CHCHD6: variants seen among roughly 807,000 people sequenced by gnomAD.
CHCHD6 encodes coiled-coil-helix-coiled-coil-helix domain containing 6, also known as MICOS complex subunit MIC25.
A neutral mutation model predicts 32.3 loss-of-function variants in CHCHD6; 28 were observed. The observed-to-expected ratio is 0.87, with a 90% CI of 0.64 to 1.19. The LOEUF (loss-of-function observed/expected upper bound fraction) is 1.19. CHCHD6 is among the 50% of genes most tolerant of loss of function. The pLI, the probability that CHCHD6 is intolerant of heterozygous loss-of-function variation, is 0.00. For missense variants in CHCHD6, 333 were observed against 307.0 expected (o/e 1.08, Z -0.63); for synonymous variants, 122 against 117.5 (o/e 1.04, Z -0.25).
chr3:126,790,799 G>A (rs1275129562), intron 4 of CHCHD6, among the ~76,000 whole-genome samples: 1 of 152,106 alleles, frequency 6.6e-6, no homozygotes, highest in African/African-American at 2.4e-5. Context: ...AAGTTTGATT[G>A]TCTGAAGCCT....
intron 5 of CHCHD6, among the ~76,000 whole-genome samples, chr3:126,863,341 ACCTCCTCCTCCTCTACCATCACCACCT>A (rs1443730059): frequency 0.012 from 1,224 of 98,752 alleles, 56 homozygotes; most frequent in African/African-American, 0.019. Flanking sequence ...CTCCTCCATC[ACCTCCTCCTCCTCTACCATCACCACCT>A]CCTCCTCCTC....
At chr3:126,909,465 A>G (rs1443728539) in intron 5 of CHCHD6, among the ~76,000 whole-genome samples, 2 of 152,202 alleles carry the variant, frequency 1.3e-5, no homozygotes, top group Admixed American at 6.5e-5. Flanking sequence ...TTGATCTCAC[A>G]GATCCAGGCC....
At chr3:126,727,366 A>C (rs1363055466) in intron 2 of CHCHD6, among the ~76,000 whole-genome samples, 180 bp downstream of exon 2, 1 of 152,216 alleles carries the variant, frequency 6.6e-6, no homozygotes, top group African/African-American at 2.4e-5. Context: ...TGGGGCTGTC[A>C]TCAGAGCTGC....
intron 4 of CHCHD6, among the ~76,000 whole-genome samples, chr3:126,846,007 T>G (rs1028421485): frequency 6.6e-6 from 1 of 152,174 alleles, no homozygotes; most frequent in Non-Finnish European, 1.5e-5. Context: ...TTGTGCCATT[T>G]TAATTTATCA....
chr3:126,920,372 C>A (rs1466873538), intron 6 of CHCHD6, among the ~76,000 whole-genome samples: 2 of 150,936 alleles, frequency 1.3e-5, no homozygotes, highest in Non-Finnish European at 1.5e-5. Flanking sequence ...TCTGATAATT[C>A]TTGATTGAGT....
At position 126,845,700 on chromosome 3, in the gene CHCHD6, G is replaced by T. The variant is rs1053182930; in HGVS notation, c.412-6947G>T. On this transcript the variant is annotated intron_variant, in intron 4 of 7. Transcript: ENST00000290913. ...ATAATTTATAATGCCTTGTTTTCAA[G>T]TTCACTGATTTTTGCTCCGTCCAAT... Among the ~76,000 whole-genome samples, 3 of 151,988 alleles carry T rather than the reference G, an allele frequency of 2.0e-5. No homozygotes were observed. In the South Asian group the frequency reaches 6.2e-4, roughly 31 times the overall value.
intron 6 of CHCHD6, among the ~76,000 whole-genome samples, chr3:126,925,895 G>C (rs1212770454): frequency 2.0e-5 from 3 of 152,180 alleles, no homozygotes; most frequent in African/African-American, 7.2e-5. Flanking sequence ...TGGTGATCTA[G>C]AACTTAACCT....
chr3:126,914,651 G>A (rs1252295555), intron 5 of CHCHD6, 29 bp from the exon 6 acceptor site: 2 of 1,315,798 alleles, frequency 1.5e-6, no homozygotes, highest in Non-Finnish European at 2.2e-6. Flanking sequence ...TTCAGTCTTT[G>A]GTAACCAATT....
chr3:126,746,988 C>T (rs967122288), intron 4 of CHCHD6, among the ~76,000 whole-genome samples: 5 of 152,132 alleles, frequency 3.3e-5, no homozygotes, highest in Admixed American at 6.5e-5. Flanking sequence ...TGAGGTGGCC[C>T]GGGAGTACTG....
intron 7 of CHCHD6, among the ~76,000 whole-genome samples, chr3:126,959,861 T>C (rs1450219580): frequency 2.6e-5 from 4 of 152,182 alleles, no homozygotes; most frequent in African/African-American, 9.7e-5. Flanking sequence ...TAGACTCTTC[T>C]ATATCCAGGG....
chr3:126,901,123 G>C (rs529029531), intron 5 of CHCHD6, among the ~76,000 whole-genome samples: 107 of 152,298 alleles, frequency 7.0e-4, no homozygotes, highest in Non-Finnish European at 1.3e-3. Context: ...TGCTGAAACA[G>C]CTTCACAGGG....
At chr3:126,786,546 T>A (rs370033445) in intron 4 of CHCHD6, among the ~76,000 whole-genome samples, 1 of 152,158 alleles carries the variant, frequency 6.6e-6, no homozygotes, top group Non-Finnish European at 1.5e-5. Context: ...GGTATCTCAT[T>A]GTGGTTTTGA....
intron 6 of CHCHD6, chr3:126,949,751 G>T: frequency 5.3e-6 from 1 of 190,200 alleles, no homozygotes. Flanking sequence ...GGATAGAAGG[G>T]AAGGGTGCAG....
At chr3:126,878,668 G>A (rs1019200930) in intron 5 of CHCHD6, among the ~76,000 whole-genome samples, 6 of 152,216 alleles carry the variant, frequency 3.9e-5, no homozygotes, top group East Asian at 3.8e-4. Context: ...TGCCACCTTC[G>A]TAATTAATTC....
At chr3:126,945,922 G>A (rs1182928349) in intron 6 of CHCHD6, among the ~76,000 whole-genome samples, 1 of 152,050 alleles carries the variant, frequency 6.6e-6, no homozygotes, top group Non-Finnish European at 1.5e-5. Context: ...CAGGGGGTGG[G>A]GAACAGGCAG....
At chr3:126,754,213 T>C (rs751461674) in intron 4 of CHCHD6, among the ~76,000 whole-genome samples, 7 of 152,204 alleles carry the variant, frequency 4.6e-5, no homozygotes, top group Non-Finnish European at 1.0e-4. Flanking sequence ...TGTGTGGCCT[T>C]GGTTAAGTGT....
rs149703074 is a variant in CHCHD6 at position 126,813,078 on chromosome 3, G to T, written c.412-39569G>T. On this transcript the variant is annotated intron_variant, in intron 4 of 7. Coordinates refer to ENST00000290913, the MANE Select transcript of CHCHD6 (RefSeq NM_032343.3). The stretch of plus-strand genomic sequence containing the variant: ...TATGGAATATAGAATCAGAAAATTA[G>T]ATGTTTTCTGTGAAATTTCTTACCT... Among the ~76,000 whole-genome samples the T allele has an allele frequency of 1.6e-4, 24 of 152,316 alleles. No individual in the cohort carries two copies. The East Asian group carries it at 2.9e-3, about 18-fold the overall frequency.
At chr3:126,720,283 A>G in intron 1 of CHCHD6, among the ~76,000 whole-genome samples, 1 of 152,138 alleles carries the variant, frequency 6.6e-6, no homozygotes, top group East Asian at 1.9e-4. Flanking sequence ...TGTCATGTAG[A>G]TCACACCTGT....
intron 6 of CHCHD6, among the ~76,000 whole-genome samples, chr3:126,926,011 G>A (rs901879489): frequency 3.9e-5 from 6 of 152,272 alleles, no homozygotes; most frequent in South Asian, 2.1e-4. Flanking sequence ...CCTTGCCTCC[G>A]CTGCAGAGCA....
Sources: gnomAD v4.1 joint callset for allele counts (sites outside exome capture counted in the v4.1 genomes callset) on GRCh38, gnomAD v4.1.1 for gene constraint, MANE v1.5 for transcripts, NCBI Gene and HGNC (gene_info 2026-07-23, HGNC 2026-07-21) for gene names.